The following ARHGEF1 variants were observed in gnomAD, a reference collection of about 807,000 sequenced individuals.
The protein encoded by ARHGEF1 is 115 kDa guanine nucleotide exchange factor.
A neutral mutation model predicts 119.7 loss-of-function variants in ARHGEF1; 40 were observed. That is an observed-to-expected ratio of 0.33 (90% CI 0.26 to 0.44). ARHGEF1 has a LOEUF of 0.44. ARHGEF1 is among the 20% of genes least tolerant of loss of function. ARHGEF1 has a pLI of 1.00. For synonymous variants in ARHGEF1, 494 were observed against 521.0 expected (o/e 0.95, Z 0.71); for missense variants, 976 against 1,268.3 (o/e 0.77, Z 3.50).
intron 13 of ARHGEF1, chr19:41,897,787 T>C: frequency 1.5e-6 from 1 of 645,254 alleles, no homozygotes; most frequent in Non-Finnish European, 2.3e-6. Context: ...CTCCCCAATT[T>C]CTGTCCCTGC....
Position 41,903,326 on chromosome 19 carries a change from G to A in ARHGEF1, c.1758G>A (p.Glu586=). ...GQNTEEPTER[E]KVELAAECCR... The stretch of plus-strand genomic sequence containing the variant: ...CTGCAGAAGAGCCCACAGAACGGGA[G>A]AAAGTGGAGCTGGCAGCCGAGTGCT... Residue 586 remains glutamate (E), a synonymous_variant, in exon 19 of 29, where the codon GAG becomes GAA. Transcript: ENST00000354532. The surrounding 1 kb of genome is among the most constrained non-coding windows in gnomAD (Gnocchi z 4.2). 6.2e-7 allele frequency: 1 copy of A among 1,613,986 alleles called. No homozygotes were observed. The highest frequency in any genetic ancestry group is 1.1e-5 in the South Asian group (1 of 91,084).
intron 18 of ARHGEF1, among the ~76,000 whole-genome samples, chr19:41,914,209 C>T (rs1317792865): frequency 6.6e-6 from 1 of 151,192 alleles, no homozygotes; most frequent in African/African-American, 2.4e-5. Context: ...CTGTCCCAGG[C>T]CCCCTCTGTT....
upstream of ARHGEF1, chr19:41,923,061 C>A: frequency 2.3e-6 from 1 of 437,740 alleles, no homozygotes; most frequent in African/African-American, 2.0e-5. Flanking sequence ...GTTCAGCGCC[C>A]CCTCTGACCC....
upstream of ARHGEF1, chr19:41,923,039 C>T (rs1384002155): frequency 7.3e-6 from 3 of 413,066 alleles, no homozygotes; most frequent in Admixed American, 2.7e-5. Context: ...CTGGGGGAAC[C>T]CACAGAGGGA....
intron 14 of ARHGEF1, among the ~76,000 whole-genome samples, chr19:41,899,062 G>T (rs782543745): frequency 1.7e-4 from 26 of 152,232 alleles, no homozygotes; most frequent in African/African-American, 6.3e-4. Context: ...GCACAATCAC[G>T]GCTCACTGCA....
chr19:41,905,383 G>C lies in ARHGEF1; in HGVS notation c.2336+122G>C. On this transcript the variant is annotated intron_variant, in intron 24 of 28. Transcript: ENST00000354532. The surrounding 1 kb of genome is among the most constrained non-coding windows in gnomAD (Gnocchi z 6.4). Reference sequence around the variant, plus strand: ...CATGCACATGTGTGAATGCATGTGTGTGCATACATGTGTGTCTGTACGCAA... The same window carrying C: ...CATGCACATGTGTGAATGCATGTGTCTGCATACATGTGTGTCTGTACGCAA... 1 of 821,784 alleles carries C rather than the reference G, an allele frequency of 1.2e-6. No individual in the cohort carries two copies. Among genetic ancestry groups the C allele is most frequent in the South Asian group, 1.7e-5 (1 of 58,710 alleles). 50.9% of individuals were successfully genotyped at this position (821,784 alleles called of 1,614,324 possible). A position where few individuals can be genotyped will look rare whatever the true frequency, so the allele number is the denominator to read the frequency against.
chr19:41,929,044 GACAC>G (rs375162123), intron 2 of ARHGEF1: 23 of 379,102 alleles, frequency 6.1e-5, no homozygotes, highest in South Asian at 3.2e-4. Context: ...GACAGACACA[GACAC>G]ACACACACAG....
chr19:41,911,098 G>A (rs2074749001), downstream of ARHGEF1, among the ~76,000 whole-genome samples: 1 of 152,132 alleles, frequency 6.6e-6, no homozygotes, highest in Admixed American at 6.5e-5. Flanking sequence ...TGTCAGTAGA[G>A]CAACTTCCCA....
rs1039223451 is a variant in ARHGEF1, at chr19:41,905,679, C to T, written c.2337-81C>T. 11 of 1,471,208 alleles carry T rather than the reference C, an allele frequency of 7.5e-6. No homozygotes were observed. Among genetic ancestry groups the T allele is most frequent in the Non-Finnish European group, 1.0e-5 (11 of 1,063,664 alleles). 91.1% of individuals were successfully genotyped at this position (1,471,208 alleles called of 1,614,324 possible). ...CTGTCTCCGGACCTCCCTGCCTCCC[C>T]ACCTCCAGCTCTCTGTCTCCCTGCC... On this transcript the variant is annotated intron_variant, in intron 24 of 28. Coordinates refer to ENST00000354532, the MANE Select transcript of ARHGEF1 (RefSeq NM_004706.4). This position sits in a 1 kb window ranked among gnomAD's most constrained non-coding sequence, Gnocchi z 6.4.
downstream of ARHGEF1, chr19:41,909,854 CT>C: frequency 1.9e-6 from 3 of 1,602,868 alleles, no homozygotes; most frequent in Non-Finnish European, 2.6e-6. The surrounding 1 kb of genome is among the most constrained non-coding windows in gnomAD (Gnocchi z 5.2). Flanking sequence ...GCCCCAAGCC[CT>C]TCCTCACCGC....
At position 41,905,478 on chromosome 19, in the gene ARHGEF1, A is replaced by G. The variant is rs782081477; in HGVS notation, c.2336+217A>G. 1 of 613,428 alleles carries G rather than the reference A, an allele frequency of 1.6e-6. No individual in the cohort carries two copies. The highest frequency in any genetic ancestry group is 2.7e-5 in the East Asian group (1 of 36,416). The allele number at this position is 613,428 out of a possible 1,614,324, so 38.0% of individuals were successfully genotyped here. ...TGTGCGTGTGCATGTGTGTGCGTGT[A>G]TGGTGTGTGTGTATGCATATGTGTG... On this transcript the variant is annotated intron_variant, in intron 24 of 28. Coordinates refer to ENST00000354532, the MANE Select transcript of ARHGEF1 (RefSeq NM_004706.4). This position sits in a 1 kb window ranked among gnomAD's most constrained non-coding sequence, Gnocchi z 6.4.
At chr19:41,895,200 A>T in intron 11 of ARHGEF1, 149 bp from the exon 12 acceptor site, 1 of 990,138 alleles carries the variant, frequency 1.0e-6, no homozygotes, top group East Asian at 2.6e-5. Flanking sequence ...CTGAGGGAGG[A>T]GGGGTTGAGG....
intron 13 of ARHGEF1, 200 bp from the exon 14 acceptor site, chr19:41,898,242 C>T: frequency 7.6e-7 from 1 of 1,319,384 alleles, no homozygotes; most frequent in South Asian, 1.5e-5. Context: ...GGTCACAGAC[C>T]TTGGAGGAGG....
intron 1 of ARHGEF1, among the ~76,000 whole-genome samples, chr19:41,926,567 C>T (rs2074871490): frequency 6.6e-6 from 1 of 152,132 alleles, no homozygotes; most frequent in Non-Finnish European, 1.5e-5. Context: ...TTCTGGCTCT[C>T]GGGTCCCTCC....
intron 1 of ARHGEF1, 109 bp from the exon 2 acceptor site, chr19:41,887,955 A>G (rs1375678469): frequency 2.1e-5 from 26 of 1,250,146 alleles, no homozygotes; most frequent in Non-Finnish European, 6.6e-6. Flanking sequence ...GGAGGCTGGG[A>G]TGGGGGAGGC....
Position 41,906,826 on chromosome 19 carries a change from A to G in ARHGEF1, c.*17+23A>G. The stretch of plus-strand genomic sequence containing the variant: ...AAGGTGAGTGGGGCACCTGGGGGCC[A>G]GGGCGCTGTCCTGAAAGGAGGGTCC... On this transcript the variant is annotated intron_variant, in intron 28 of 28. Transcript: ENST00000354532. This position sits in a 1 kb window ranked among gnomAD's most constrained non-coding sequence, Gnocchi z 4.5. 1.3e-6 allele frequency: 2 copies of G among 1,576,494 alleles called. No individual in the cohort carries two copies. Among genetic ancestry groups the G allele is most frequent in the African/African-American group, 1.4e-5 (1 of 73,792 alleles).
chr19:41,883,280 C>T lies in ARHGEF1; in HGVS notation c.-29C>T, dbSNP rs2074249362. 5.2e-6 allele frequency: 1 copy of T among 192,734 alleles called. No individual in the cohort carries two copies. The highest frequency in any genetic ancestry group is 5.3e-5 in the South Asian group (1 of 19,022). The allele number at this position is 192,734 out of a possible 1,614,324, so 11.9% of individuals were successfully genotyped here. ...GGGCGCCCCGCCGGTCACCTCCGCG[C>T]GGACACCAGGTACTCGGTCCCCGGC... is the stretch of plus-strand genomic sequence containing the variant. On this transcript the variant is annotated 5_prime_UTR_variant, in exon 1 of 29. Transcript: ENST00000354532. This position sits in a 1 kb window ranked among gnomAD's most constrained non-coding sequence, Gnocchi z 7.6.
Position 41,904,167 on chromosome 19 carries a change from G to A in ARHGEF1, c.1994-49G>A. Reference sequence around the variant, plus strand: ...TGTTGGGGCAGTGAGCCAAGGGCGGGGAGGGGGTCGCGCGGGGGCACGCCG... The same window carrying A: ...TGTTGGGGCAGTGAGCCAAGGGCGGAGAGGGGGTCGCGCGGGGGCACGCCG... On this transcript the variant is annotated intron_variant, in intron 21 of 28. Coordinates refer to ENST00000354532, the MANE Select transcript of ARHGEF1 (RefSeq NM_004706.4). This position sits in a 1 kb window ranked among gnomAD's most constrained non-coding sequence, Gnocchi z 8.4. 1 of 1,613,042 alleles carries A rather than the reference G, an allele frequency of 6.2e-7. No homozygotes were observed. Among genetic ancestry groups the A allele is most frequent in the East Asian group, 2.2e-5 (1 of 44,840 alleles).
At chr19:41,897,226 C>T (rs1372103669) in intron 13 of ARHGEF1, 22 of 1,245,220 alleles carry the variant, frequency 1.8e-5, no homozygotes, top group Middle Eastern at 2.2e-4. Context: ...GTCCTTGTGC[C>T]GCTGCTTTGG....
Sources: allele counts gnomAD v4.1 joint callset (sites outside exome capture counted in the v4.1 genomes callset), GRCh38; gene constraint gnomAD v4.1.1; non-coding constraint Gnocchi (gnomAD v3.1); transcripts MANE v1.5; gene names NCBI Gene and HGNC (gene_info 2026-07-23, HGNC 2026-07-21).